DLGAP2: variants seen among roughly 807,000 people sequenced by gnomAD.
The protein encoded by DLGAP2 is disks large-associated protein 2.
A neutral mutation model predicts 100.3 loss-of-function variants in DLGAP2; 26 were observed. The observed-to-expected ratio is 0.26, with a 90% CI of 0.19 to 0.36. The LOEUF is 0.36. DLGAP2 is among the 10% of genes least tolerant of loss of function. DLGAP2 has a pLI of 1.00. For synonymous variants in DLGAP2, 886 were observed against 630.1 expected (o/e 1.41, Z -6.08); for missense variants, 1,858 against 1,453.2 (o/e 1.28, Z -4.53).
intron 2 of DLGAP2, among the ~76,000 whole-genome samples, chr8:1,254,759 C>G (rs1432103352): frequency 6.6e-6 from 1 of 152,164 alleles, no homozygotes; most frequent in Non-Finnish European, 1.5e-5. Flanking sequence ...AGTGAGTGTG[C>G]AGAGTTGTTG....
intron 6 of DLGAP2, among the ~76,000 whole-genome samples, chr8:1,619,189 A>G (rs1289759400): frequency 1.3e-5 from 2 of 152,262 alleles, no homozygotes; most frequent in Non-Finnish European, 2.9e-5. Flanking sequence ...CATAAAAGCC[A>G]AAAGGTTACT....
At chr8:883,043 G>A (rs1797842788) in intron 1 of DLGAP2, among the ~76,000 whole-genome samples, 1 of 152,204 alleles carries the variant, frequency 6.6e-6, no homozygotes, top group South Asian at 2.1e-4. Flanking sequence ...AATCTTCCTG[G>A]GTCCCGTGCT....
intron 1 of DLGAP2, among the ~76,000 whole-genome samples, chr8:804,578 A>G (rs928450290): frequency 6.6e-6 from 1 of 152,228 alleles, no homozygotes; most frequent in Non-Finnish European, 1.5e-5. Flanking sequence ...GCTTATTCGA[A>G]GAAATGAACA....
intron 2 of DLGAP2, among the ~76,000 whole-genome samples, chr8:1,159,976 G>T (rs954792582): frequency 5.3e-5 from 8 of 152,140 alleles, no homozygotes; most frequent in African/African-American, 1.7e-4. Flanking sequence ...AGGTCTTGGC[G>T]TTGTGGAGGC....
chr8:1,108,167 G>A (rs546014737), intron 2 of DLGAP2, among the ~76,000 whole-genome samples: 6 of 152,080 alleles, frequency 3.9e-5, no homozygotes, highest in Non-Finnish European at 7.4e-5. Context: ...GAAAGGATAG[G>A]AAGGTTGATG....
intron 3 of DLGAP2, among the ~76,000 whole-genome samples, chr8:1,291,080 T>C (rs148525412): frequency 3.1e-4 from 47 of 152,202 alleles, no homozygotes; most frequent in Non-Finnish European, 5.7e-4. Flanking sequence ...AACATAACAG[T>C]CACAGGGCCT....
At chr8:967,067 A>G (rs1478431560) in intron 2 of DLGAP2, among the ~76,000 whole-genome samples, 1 of 152,238 alleles carries the variant, frequency 6.6e-6, no homozygotes, top group Non-Finnish European at 1.5e-5. Flanking sequence ...GAATGCTGAA[A>G]TAAACTTCTT....
At chr8:1,224,803 A>T (rs1198486736) in intron 2 of DLGAP2, among the ~76,000 whole-genome samples, 3 of 152,264 alleles carry the variant, frequency 2.0e-5, no homozygotes, top group African/African-American at 4.8e-5. Context: ...CAAGGAAGAT[A>T]TACAAATGGT....
chr8:841,566 G>C (rs1242437704), intron 1 of DLGAP2, among the ~76,000 whole-genome samples: 1 of 152,134 alleles, frequency 6.6e-6, no homozygotes, highest in Non-Finnish European at 1.5e-5. Context: ...GGCAGAGCTA[G>C]AAATACATGT....
intron 2 of DLGAP2, among the ~76,000 whole-genome samples, chr8:930,871 A>G (rs552452145): frequency 7.2e-5 from 11 of 152,074 alleles, no homozygotes; most frequent in African/African-American, 2.7e-4. Flanking sequence ...CGCCTTGCTC[A>G]TGGAAATCCC....
chr8:1,223,248 T>A (rs1458282157), intron 2 of DLGAP2, among the ~76,000 whole-genome samples: 2 of 152,182 alleles, frequency 1.3e-5, no homozygotes, highest in Admixed American at 1.3e-4. Flanking sequence ...CAGCCAGGGA[T>A]CTGTGTCCTC....
intron 2 of DLGAP2, among the ~76,000 whole-genome samples, chr8:1,073,649 C>G (rs1438486103): frequency 1.3e-5 from 2 of 152,194 alleles, no homozygotes; most frequent in African/African-American, 4.8e-5. Context: ...GGATGCAAAG[C>G]CCTGCACAGA....
rs531513207 is a variant in DLGAP2, at chr8:1,338,193, G to C, written c.106+79310G>C. Among the ~76,000 whole-genome samples the C allele has an allele frequency of 4.6e-5, 7 of 152,338 alleles. No homozygotes were observed. In the East Asian group the frequency reaches 1.2e-3, roughly 25 times the overall value. On this transcript the variant is annotated intron_variant, in intron 3 of 14. Transcript: ENST00000637795. ...TGTGTATTCCTAAGCATTCATCCCA[G>C]AGAAATGAAGACGTATGTCTACACA...
At chr8:1,481,070 G>C (rs548991988) in intron 3 of DLGAP2, among the ~76,000 whole-genome samples, 1 of 152,208 alleles carries the variant, frequency 6.6e-6, no homozygotes, top group East Asian at 1.9e-4. Flanking sequence ...TACTTGGGAG[G>C]CTGAGGCAGG....
intron 6 of DLGAP2, among the ~76,000 whole-genome samples, chr8:1,587,904 C>G (rs890953557): frequency 1.1e-4 from 16 of 152,134 alleles, no homozygotes; most frequent in African/African-American, 3.6e-4. Context: ...TGATAACACT[C>G]AGAGCCACAA....
intron 3 of DLGAP2, among the ~76,000 whole-genome samples, chr8:1,464,255 T>TCCCTTCCAGGATGACA (rs1798548333): frequency 1.4e-5 from 1 of 69,656 alleles, no homozygotes; most frequent in African/African-American, 6.1e-5. Flanking sequence ...CCAGGACGGC[T>TCCCTTCCAGGATGACA]CCCTTCCAGG....
intron 2 of DLGAP2, among the ~76,000 whole-genome samples, chr8:1,115,856 C>T (rs1805099259): frequency 6.6e-6 from 1 of 152,204 alleles, no homozygotes; most frequent in Admixed American, 6.5e-5. Flanking sequence ...TCATTTATCC[C>T]TGCCACACAC....
chr8:953,104 C>G (rs1799519437), intron 2 of DLGAP2, among the ~76,000 whole-genome samples: 2 of 152,230 alleles, frequency 1.3e-5, no homozygotes, highest in Admixed American at 6.5e-5. Flanking sequence ...ATATCACTAC[C>G]AATTTCATCA....
At chr8:1,632,794 C>T in intron 7 of DLGAP2, 33 bp from the exon 8 acceptor site, 2 of 1,562,764 alleles carry the variant, frequency 1.3e-6, no homozygotes, top group South Asian at 2.5e-5. Context: ...CCCTGGAGGG[C>T]CGGGGCATCA....
Sources: gnomAD v4.1 joint callset for allele counts (sites outside exome capture counted in the v4.1 genomes callset) on GRCh38, gnomAD v4.1.1 for gene constraint, MANE v1.5 for transcripts, NCBI Gene and HGNC (gene_info 2026-07-23, HGNC 2026-07-21) for gene names.